Variants in EPHB1 observed in about 807,000 individuals in gnomAD.
EPHB1 encodes the protein EPH receptor B1, also known as ephrin type-B receptor 1.
In EPHB1, 30 loss-of-function variants were observed where a neutral mutation model predicts 94.4. That is an observed-to-expected ratio of 0.32 (90% CI 0.24 to 0.43). The LOEUF is 0.43. EPHB1 is among the 20% of genes least tolerant of loss of function. The pLI is 1.00. For missense variants in EPHB1, 1,055 were observed against 1,308.3 expected (o/e 0.81, Z 2.99); for synonymous variants, 522 against 489.1 (o/e 1.07, Z -0.89).
At chr3:134,802,353 A>G (rs2035951446) in intron 1 of EPHB1, among the ~76,000 whole-genome samples, 1 of 152,014 alleles carries the variant, frequency 6.6e-6, no homozygotes, top group Non-Finnish European at 1.5e-5. Flanking sequence ...CTCACGAAAA[A>G]AAAAAAAAAA....
At chr3:134,809,645 A>G (rs961473380) in intron 1 of EPHB1, among the ~76,000 whole-genome samples, 1 of 152,180 alleles carries the variant, frequency 6.6e-6, no homozygotes, top group Non-Finnish European at 1.5e-5. Context: ...GCCCTCTTTT[A>G]TGGTGCCTGA....
At chr3:135,222,449 T>C (rs1459903019) in intron 12 of EPHB1, among the ~76,000 whole-genome samples, 1 of 152,204 alleles carries the variant, frequency 6.6e-6, no homozygotes, top group Non-Finnish European at 1.5e-5. Flanking sequence ...CTAGGATATT[T>C]ATATTTTGAA....
chr3:134,826,508 C>T (rs1206365122), intron 1 of EPHB1, among the ~76,000 whole-genome samples: 2 of 152,130 alleles, frequency 1.3e-5, no homozygotes, highest in Middle Eastern at 3.2e-3. Flanking sequence ...GAATAAATAA[C>T]CCCCAGTTCC....
chr3:135,216,586 A>G (rs1342275651), intron 12 of EPHB1, among the ~76,000 whole-genome samples: 2 of 151,858 alleles, frequency 1.3e-5, no homozygotes, highest in South Asian at 2.1e-4. Flanking sequence ...AGCCAAGTGT[A>G]CTGGCACTCG....
chr3:135,200,046 C>A (rs1015208085), intron 11 of EPHB1, among the ~76,000 whole-genome samples: 3 of 152,106 alleles, frequency 2.0e-5, no homozygotes, highest in African/African-American at 7.2e-5. Context: ...ATAGACTAGA[C>A]CCCAGGTGTC....
chr3:135,016,943 A>G (rs911391724), intron 3 of EPHB1, among the ~76,000 whole-genome samples: 4 of 152,204 alleles, frequency 2.6e-5, no homozygotes, highest in African/African-American at 4.8e-5. Context: ...GCTCACCCCA[A>G]ACAGCTCCCT....
chr3:134,966,539 T>C (rs980316264), intron 3 of EPHB1, among the ~76,000 whole-genome samples: 7 of 152,318 alleles, frequency 4.6e-5, no homozygotes, highest in African/African-American at 1.7e-4. Flanking sequence ...TTTAGGGACA[T>C]TTAAGTGTAT....
intron 3 of EPHB1, among the ~76,000 whole-genome samples, chr3:135,016,509 C>T (rs1455528187): frequency 1.3e-5 from 2 of 152,212 alleles, no homozygotes; most frequent in Admixed American, 6.5e-5. Context: ...TAATTACAAC[C>T]ACCACCACTC....
At chr3:135,018,242 A>C (rs1432051446) in intron 3 of EPHB1, among the ~76,000 whole-genome samples, 4 of 152,082 alleles carry the variant, frequency 2.6e-5, no homozygotes, top group Non-Finnish European at 4.4e-5. Context: ...ATTAAGGCAG[A>C]GGTAATTTGA....
intron 3 of EPHB1, 120 bp from the exon 4 acceptor site, chr3:135,106,328 G>A: frequency 9.1e-7 from 1 of 1,097,400 alleles, no homozygotes; most frequent in South Asian, 1.5e-5. Context: ...ATCTCCCTTG[G>A]TACGAGAGGG....
At chr3:135,045,589 G>A (rs1936976135) in intron 3 of EPHB1, among the ~76,000 whole-genome samples, 1 of 152,200 alleles carries the variant, frequency 6.6e-6, no homozygotes, top group South Asian at 2.1e-4. Flanking sequence ...TCTTGAAAAT[G>A]AAAGGAGTGA....
chr3:135,030,964 CG>C (rs1408252042), intron 3 of EPHB1, among the ~76,000 whole-genome samples: 9 of 152,168 alleles, frequency 5.9e-5, no homozygotes, highest in Non-Finnish European at 1.2e-4. Context: ...GCGCAGTATT[CG>C]GGTGGGTGTG....
At chr3:135,059,936 G>A (rs1937447747) in intron 3 of EPHB1, among the ~76,000 whole-genome samples, 2 of 152,218 alleles carry the variant, frequency 1.3e-5, no homozygotes, top group Non-Finnish European at 2.9e-5. Context: ...CAGGAGCCCA[G>A]CCAGCACTGT....
At chr3:134,968,678 A>C (rs1015810495) in intron 3 of EPHB1, among the ~76,000 whole-genome samples, 1 of 152,198 alleles carries the variant, frequency 6.6e-6, no homozygotes, top group Non-Finnish European at 1.5e-5. Context: ...CCACTATCAT[A>C]ATTGGGGTAC....
At chr3:135,141,396 A>T (rs866441167) in intron 5 of EPHB1, among the ~76,000 whole-genome samples, 1 of 152,074 alleles carries the variant, frequency 6.6e-6, no homozygotes, top group African/African-American at 2.4e-5. Context: ...CCAAGGGAAA[A>T]GGCCATGTCT....
intron 3 of EPHB1, among the ~76,000 whole-genome samples, chr3:134,968,097 AGCTTGAGTTGTTGAATCCTG>A (rs1462180222): frequency 2.6e-5 from 4 of 152,242 alleles, no homozygotes; most frequent in Admixed American, 2.6e-4. Context: ...AAGAGCTGGC[AGCTTGAGTTGTTGAATCCTG>A]GCTCTGTGTT....
At chr3:134,879,357 C>T (rs573070133) in intron 1 of EPHB1, among the ~76,000 whole-genome samples, 5 of 152,144 alleles carry the variant, frequency 3.3e-5, no homozygotes, top group Non-Finnish European at 7.3e-5. Context: ...AGAATGAAGG[C>T]CGGGCATGGT....
chr3:134,867,823 T>C (rs549200419), intron 1 of EPHB1, among the ~76,000 whole-genome samples: 5 of 152,146 alleles, frequency 3.3e-5, no homozygotes, highest in Non-Finnish European at 5.9e-5. Flanking sequence ...TCCCAGGTCA[T>C]TGAGGGAAAT....
At chr3:135,139,771 C>T (rs775025684) in intron 5 of EPHB1, among the ~76,000 whole-genome samples, 3 of 152,214 alleles carry the variant, frequency 2.0e-5, no homozygotes, top group Admixed American at 1.3e-4. Flanking sequence ...AACCACGTGT[C>T]GTTGCCAGAG....
Sources: allele counts gnomAD v4.1 joint callset (sites outside exome capture counted in the v4.1 genomes callset), GRCh38; gene constraint gnomAD v4.1.1; transcripts MANE v1.5; gene names NCBI Gene and HGNC (gene_info 2026-07-23, HGNC 2026-07-21).